Variants in CSGALNACT2 observed in about 807,000 individuals in gnomAD.
The protein encoded by CSGALNACT2 is beta 4 GalNAcT-2.
CSGALNACT2 carries 35 observed loss-of-function variants against 55.3 expected under a neutral mutation model. The ratio of observed to expected loss-of-function variants is 0.63; its 90% CI spans 0.48 to 0.84. The LOEUF is 0.84. Ranked by LOEUF, CSGALNACT2 falls within the 40% of genes least tolerant of loss-of-function variation. CSGALNACT2 has a pLI of 0.00. For synonymous variants in CSGALNACT2, 196 were observed against 224.9 expected, an observed-to-expected ratio of 0.87 and a Z score of 1.15; for missense variants, 544 against 657.5, an observed-to-expected ratio of 0.83 and a Z score of 1.89.
At chr10:43,153,009 T>G (rs1838910392) in intron 1 of CSGALNACT2, among the ~76,000 whole-genome samples, 1 of 152,194 alleles carries the variant, frequency 6.6e-6, no homozygotes, top group Admixed American at 6.5e-5. Context: ...TTTTCTGTTT[T>G]TTTCTACATC....
intron 3 of CSGALNACT2, 59 bp from the exon 4 acceptor site, chr10:43,160,435 T>A: frequency 1.2e-6 from 1 of 857,576 alleles, no homozygotes; most frequent in South Asian, 1.4e-5. Flanking sequence ...GTGGTTGCTT[T>A]CTTAATGAAT....
At position 43,140,420 on chromosome 10, in the gene CSGALNACT2, T is replaced by C. The variant is rs553101862; in HGVS notation, c.-254+1853T>C. On this transcript the variant is annotated intron_variant, in intron 1 of 7. Coordinates refer to ENST00000374466, the MANE Select transcript of CSGALNACT2 (RefSeq NM_018590.5). ...TTTTAACTAATATAACATTCAAGGT[T>C]GGTTTTAAAAAAGCATAACTATTAT... Among the ~76,000 whole-genome samples, 6 of 152,308 alleles carry C rather than the reference T, an allele frequency of 3.9e-5. No individual in the cohort carries two copies. The South Asian group carries it at 1.2e-3, about 32-fold the overall frequency.
intron 7 of CSGALNACT2, among the ~76,000 whole-genome samples, chr10:43,176,966 A>G (rs777414417): frequency 1.3e-5 from 2 of 152,248 alleles, no homozygotes. Context: ...ATTTAGGGCT[A>G]GCTACCTTTC....
At chr10:43,177,585 CATGTT>C (rs1389041927) in intron 7 of CSGALNACT2, among the ~76,000 whole-genome samples, 2 of 152,216 alleles carry the variant, frequency 1.3e-5, no homozygotes, top group African/African-American at 4.8e-5. Flanking sequence ...CATGTTGTGA[CATGTT>C]AGGTACTTCA....
At chr10:43,165,017 A>G (rs1029377103) in intron 5 of CSGALNACT2, among the ~76,000 whole-genome samples, 2 of 152,074 alleles carry the variant, frequency 1.3e-5, no homozygotes, top group Non-Finnish European at 2.9e-5. Context: ...AGGTCAAGAG[A>G]TGGAGACCAT....
chr10:43,169,266 C>T (rs1043033129), intron 6 of CSGALNACT2, among the ~76,000 whole-genome samples: 7 of 152,116 alleles, frequency 4.6e-5, no homozygotes, highest in African/African-American at 1.7e-4. Flanking sequence ...ATACTTGAAA[C>T]AAAAGTGAGT....
At chr10:43,147,782 C>CTTTTT (rs372639057) in intron 1 of CSGALNACT2, among the ~76,000 whole-genome samples, 7 of 108,108 alleles carry the variant, frequency 6.5e-5, no homozygotes, top group Admixed American at 9.7e-5. Context: ...GTCGAGTTAT[C>CTTTTT]TTTTTTTTTT....
At chr10:43,180,734 G>A (rs1005031061) in intron 7 of CSGALNACT2, among the ~76,000 whole-genome samples, 1 of 152,212 alleles carries the variant, frequency 6.6e-6, no homozygotes, top group Admixed American at 6.5e-5. Flanking sequence ...TGATGATGTG[G>A]TGGTGAAGTG....
In CSGALNACT2 at chr10:43,179,071, GATAT is replaced by G. The variant is rs1223883490; in HGVS notation, c.1336+3047_1336+3050del. Among the ~76,000 whole-genome samples, 4 of 151,872 alleles carry G rather than the reference GATAT, an allele frequency of 2.6e-5. No individual in the cohort carries two copies. The East Asian group carries it at 7.7e-4, about 29-fold the overall frequency. ...TTCAGAATTTCTATGTGGTTCTTTT[GATAT>G]ATATATAATTTCTTTATTAATACTC... On this transcript the variant is annotated intron_variant, in intron 7 of 7. Coordinates refer to ENST00000374466, the MANE Select transcript of CSGALNACT2 (RefSeq NM_018590.5).
chr10:43,155,224 G>T lies in CSGALNACT2; in HGVS notation c.75G>T (p.Leu25Phe). 6.2e-7 allele frequency: 1 copy of T among 1,613,924 alleles called. No homozygotes were observed. Among genetic ancestry groups the T allele is most frequent in the Non-Finnish European group, 8.5e-7 (1 of 1,179,986 alleles). ...TGGGCCTTGCTTTGCTCTGCAGTTT[G>T]GTATTATTTATGTACCTCCTGGAAT... ...LLLGLALLCS[L>F]VLFMYLLECA... is the part of the protein sequence containing the mutation. Residue 25 changes from leucine (L) to phenylalanine (F), a missense_variant, in exon 2 of 8, where the codon TTG becomes TTT. This residue lies in a region of CSGALNACT2 where 374 missense variants were observed against 401.3 expected (regional missense o/e 0.93). Transcript: ENST00000374466.
intron 4 of CSGALNACT2, chr10:43,163,498 C>G: frequency 1.0e-6 from 1 of 984,858 alleles, no homozygotes; most frequent in Non-Finnish European, 1.2e-6. Flanking sequence ...CTAACGGATG[C>G]AAGAGGAGAG....
chr10:43,139,062 A>AT (rs1838560716), intron 1 of CSGALNACT2, among the ~76,000 whole-genome samples: 1 of 152,076 alleles, frequency 6.6e-6, no homozygotes. Flanking sequence ...CACGACAGTG[A>AT]TACTTCTGTT....
At position 43,184,864 on chromosome 10, in the gene CSGALNACT2, C is replaced by T. The variant is rs1219667967; in HGVS notation, c.*1322C>T. On this transcript the variant is annotated 3_prime_UTR_variant, in exon 8 of 8. Transcript: ENST00000374466. ...CCCTGAAAATTCACTGAAGAAAAAT[C>T]ATTACTCTTTTTCTCAGTAAATCAT... is the stretch of plus-strand genomic sequence containing the variant. 1 of 152,110 alleles carries T rather than the reference C, an allele frequency of 6.6e-6. No homozygotes were observed. The highest frequency in any genetic ancestry group is 1.5e-5 in the Non-Finnish European group (1 of 68,014). The allele number at this position is 152,110 out of a possible 1,614,324, so 9.4% of individuals were successfully genotyped here. A position where few individuals can be genotyped will look rare whatever the true frequency, so the allele number is the denominator to read the frequency against.
chr10:43,162,634 G>C, intron 4 of CSGALNACT2: 1 of 985,374 alleles, frequency 1.0e-6, no homozygotes, highest in Non-Finnish European at 1.2e-6. Context: ...TACCCATTCT[G>C]TACTGTTGTA....
intron 1 of CSGALNACT2, among the ~76,000 whole-genome samples, chr10:43,140,184 A>AG (rs746987369): frequency 5.3e-5 from 8 of 152,164 alleles, no homozygotes; most frequent in Non-Finnish European, 1.2e-4. Flanking sequence ...CAAAAAGAAA[A>AG]GAAAAAAAAA....
intron 1 of CSGALNACT2, among the ~76,000 whole-genome samples, chr10:43,149,960 G>A (rs767883476): frequency 3.9e-5 from 6 of 152,094 alleles, no homozygotes; most frequent in African/African-American, 7.2e-5. Context: ...CTAGCTACTC[G>A]GCAGGCTGAG....
At chr10:43,152,416 T>A (rs1425628563) in intron 1 of CSGALNACT2, among the ~76,000 whole-genome samples, 1 of 46,126 alleles carries the variant, frequency 2.2e-5, no homozygotes, top group Non-Finnish European at 4.6e-5. Flanking sequence ...ACCACAGAAT[T>A]ATGCAACTTT....
chr10:43,156,293 A>T (rs748040955), intron 2 of CSGALNACT2, among the ~76,000 whole-genome samples: 4 of 152,240 alleles, frequency 2.6e-5, no homozygotes, highest in Admixed American at 6.5e-5. Flanking sequence ...TAAAAAGCAC[A>T]TTTGGCATTT....
intron 6 of CSGALNACT2, among the ~76,000 whole-genome samples, chr10:43,167,486 T>C (rs894646460): frequency 2.0e-5 from 3 of 152,222 alleles, no homozygotes; most frequent in African/African-American, 7.2e-5. Context: ...TCTGGTAAAT[T>C]ACCTGGAAAG....
Sources: gnomAD v4.1 joint callset for allele counts (sites outside exome capture counted in the v4.1 genomes callset) on GRCh38, gnomAD v4.1.1 for gene constraint, gnomAD v4.1.1 regional missense constraint, MANE v1.5 for transcripts, NCBI Gene and HGNC (gene_info 2026-07-23, HGNC 2026-07-21) for gene names.